TTC29: variants seen among roughly 807,000 people sequenced by gnomAD.
TTC29 encodes tetratricopeptide repeat domain 29.
TTC29 carries 49 observed loss-of-function variants against 58.1 expected under a neutral mutation model. That is an observed-to-expected ratio of 0.84 (90% CI 0.67 to 1.07). The LOEUF is 1.07. Among genes scored for constraint, TTC29 ranks in the 50% least tolerant of loss-of-function variants. The pLI is 0.00. For missense variants in TTC29, 582 were observed against 555.6 expected (o/e 1.05, Z -0.48); for synonymous variants, 209 against 196.8 (o/e 1.06, Z -0.52).
chr4:146,812,011 C>G (rs1004600480), intron 10 of TTC29, among the ~76,000 whole-genome samples: 4 of 151,262 alleles, frequency 2.6e-5, no homozygotes, highest in Non-Finnish European at 5.9e-5. Context: ...AGGCATAAAA[C>G]ATAAAATTTA....
At chr4:146,913,552 G>T (rs1190672882) in intron 4 of TTC29, among the ~76,000 whole-genome samples, 1 of 151,990 alleles carries the variant, frequency 6.6e-6, no homozygotes, top group Non-Finnish European at 1.5e-5. Flanking sequence ...AGGCCAACTG[G>T]TCTCTCTCCC....
rs1736199524 is a variant in TTC29 at position 146,939,854 on chromosome 4, A to C, written c.42T>G (p.Leu14=). 1 of 1,613,388 alleles carries C rather than the reference A, an allele frequency of 6.2e-7. No individual in the cohort carries two copies. Among genetic ancestry groups the C allele is most frequent in the South Asian group, 1.1e-5 (1 of 90,926 alleles). Residue 14 remains leucine, a synonymous_variant, in exon 3 of 13, where the codon CTT becomes CTG. Coordinates refer to ENST00000325106, the MANE Select transcript of TTC29 (RefSeq NM_031956.4). ...LPPLPMTRPK[L]TALARQKLPC... is the part of the protein sequence containing the mutation. ...GCAGCTTCTGTCTGGCTAAGGCTGT[A>C]AGCTTCGGGCGTGTCATGGGCAGTG...
At chr4:146,846,986 T>C (rs1183723516) in intron 8 of TTC29, among the ~76,000 whole-genome samples, 2 of 152,214 alleles carry the variant, frequency 1.3e-5, no homozygotes, top group Non-Finnish European at 2.9e-5. Flanking sequence ...AATGCTTCCA[T>C]ATCAGGCTGT....
At chr4:146,848,548 T>C (rs1208750193) in intron 8 of TTC29, among the ~76,000 whole-genome samples, 1 of 152,214 alleles carries the variant, frequency 6.6e-6, no homozygotes, top group East Asian at 1.9e-4. Context: ...ACCAATGCCT[T>C]TGATCAGCTC....
At chr4:146,777,505 T>C (rs1006622539) in intron 11 of TTC29, among the ~76,000 whole-genome samples, 5 of 152,194 alleles carry the variant, frequency 3.3e-5, no homozygotes, top group Admixed American at 6.5e-5. Flanking sequence ...TTTAGAAGCA[T>C]AGAAGAAATT....
chr4:146,713,137 T>TGTGTG (rs1185794008), intron 11 of TTC29, among the ~76,000 whole-genome samples: 1 of 151,056 alleles, frequency 6.6e-6, no homozygotes, highest in Non-Finnish European at 1.5e-5. Context: ...TGTGTGTGTG[T>TGTGTG]GTGTAAGAGG....
At chr4:146,939,735 C>T (rs1736183731) in intron 3 of TTC29, 69 bp downstream of exon 3, 4 of 1,312,952 alleles carry the variant, frequency 3.0e-6, no homozygotes, top group Non-Finnish European at 4.2e-6. Flanking sequence ...TTCTGAGATA[C>T]ATTATTGACA....
At chr4:146,811,151 TGTTA>T (rs1399764518) in intron 10 of TTC29, among the ~76,000 whole-genome samples, 1 of 152,174 alleles carries the variant, frequency 6.6e-6, no homozygotes, top group Non-Finnish European at 1.5e-5. Flanking sequence ...TGTTGTTGTT[TGTTA>T]GTCAGTGTCA....
intron 8 of TTC29, among the ~76,000 whole-genome samples, chr4:146,837,069 C>T (rs1728558797): frequency 6.6e-6 from 1 of 152,076 alleles, no homozygotes; most frequent in Admixed American, 6.6e-5. Context: ...GCACTATTCA[C>T]AATAGCCAAG....
chr4:146,883,928 A>C (rs1438875746), intron 6 of TTC29, among the ~76,000 whole-genome samples: 2 of 152,136 alleles, frequency 1.3e-5, no homozygotes, highest in Non-Finnish European at 2.9e-5. Flanking sequence ...ATAAAGTTTC[A>C]TTTGCAGTCT....
At chr4:146,787,789 G>A (rs1329544751) in intron 11 of TTC29, among the ~76,000 whole-genome samples, 1 of 152,158 alleles carries the variant, frequency 6.6e-6, no homozygotes, top group African/African-American at 2.4e-5. Flanking sequence ...TGCTTAATGG[G>A]TTGGTATTAA....
At chr4:146,761,372 AAAG>A in intron 11 of TTC29, among the ~76,000 whole-genome samples, 1 of 152,064 alleles carries the variant, frequency 6.6e-6, no homozygotes, top group Non-Finnish European at 1.5e-5. Flanking sequence ...TGGGTCAATT[AAAG>A]AACACAAGGG....
intron 11 of TTC29, among the ~76,000 whole-genome samples, chr4:146,733,860 C>T (rs891501599): frequency 6.6e-6 from 1 of 152,148 alleles, no homozygotes; most frequent in Non-Finnish European, 1.5e-5. Context: ...TTCACTGCAT[C>T]AGTGGGGTAA....
chr4:146,846,221 T>C (rs192092852), intron 8 of TTC29, among the ~76,000 whole-genome samples: 1 of 152,198 alleles, frequency 6.6e-6, no homozygotes, highest in Non-Finnish European at 1.5e-5. Flanking sequence ...ACAATCTTCA[T>C]AGAAGAAGAC....
At chr4:146,802,434 T>C (rs1432373485) in intron 11 of TTC29, among the ~76,000 whole-genome samples, 1 of 152,230 alleles carries the variant, frequency 6.6e-6, no homozygotes, top group Non-Finnish European at 1.5e-5. Flanking sequence ...AGACTTCATC[T>C]TGTTTTCTCT....
intron 11 of TTC29, among the ~76,000 whole-genome samples, chr4:146,741,535 C>T (rs529291388): frequency 8.7e-5 from 13 of 149,034 alleles, no homozygotes; most frequent in Admixed American, 4.0e-4. Context: ...TCCAATCCAT[C>T]GAACATTGCC....
chr4:146,792,521 A>G (rs113611485), intron 11 of TTC29, among the ~76,000 whole-genome samples: 1 of 152,296 alleles, frequency 6.6e-6, no homozygotes, highest in African/African-American at 2.4e-5. Context: ...ATAGAAATGT[A>G]TACAGAGATT....
intron 11 of TTC29, among the ~76,000 whole-genome samples, chr4:146,731,525 C>A (rs935541876): frequency 2.0e-5 from 3 of 152,006 alleles, no homozygotes; most frequent in Non-Finnish European, 4.4e-5. Flanking sequence ...GTTATGGTTT[C>A]ACTAGGCAAG....
At chr4:146,778,594 ACAT>A (rs568329928) in intron 11 of TTC29, among the ~76,000 whole-genome samples, 14 of 152,298 alleles carry the variant, frequency 9.2e-5, no homozygotes, top group African/African-American at 3.4e-4. Context: ...TGTATTAAGT[ACAT>A]CATATTTTCA....
Sources: allele counts gnomAD v4.1 joint callset (sites outside exome capture counted in the v4.1 genomes callset), GRCh38; gene constraint gnomAD v4.1.1; transcripts MANE v1.5; gene names NCBI Gene and HGNC (gene_info 2026-07-23, HGNC 2026-07-21).